The following DGKB variants were observed in gnomAD, a reference collection of about 807,000 sequenced individuals.
DGKB encodes 90 kDa diacylglycerol kinase.
Under a neutral mutation model 114.3 loss-of-function variants are expected in DGKB, and 67 were observed. The observed-to-expected ratio is 0.59, with a 90% CI of 0.48 to 0.72. The LOEUF is 0.72. Ranked by LOEUF, DGKB falls within the 30% of genes least tolerant of loss-of-function variation. The pLI, the probability that DGKB is intolerant of heterozygous loss-of-function variation, is 0.00. For missense variants in DGKB, 907 were observed against 975.2 expected, an observed-to-expected ratio of 0.93 and a Z score of 0.93; for synonymous variants, 398 against 323.1, an observed-to-expected ratio of 1.23 and a Z score of -2.49.
chr7:14,686,819 T>C (rs972231637), intron 9 of DGKB, among the ~76,000 whole-genome samples: 23 of 152,108 alleles, frequency 1.5e-4, no homozygotes, highest in Non-Finnish European at 2.9e-5. Context: ...TCTTCATGTT[T>C]TGCAAACAGA....
At chr7:14,154,760 C>G (rs1265572041) in intron 25 of DGKB, among the ~76,000 whole-genome samples, 1 of 149,716 alleles carries the variant, frequency 6.7e-6, no homozygotes, top group African/African-American at 2.4e-5. Context: ...GTCCAAGAAT[C>G]AAAGTGGTAG....
intron 14 of DGKB, among the ~76,000 whole-genome samples, chr7:14,622,501 T>C (rs1017970155): frequency 6.6e-6 from 1 of 152,172 alleles, no homozygotes; most frequent in African/African-American, 2.4e-5. Context: ...AGATGCTGTT[T>C]CTGTATGTCC....
At chr7:14,439,249 A>G (rs1429049193) in intron 21 of DGKB, among the ~76,000 whole-genome samples, 1 of 152,168 alleles carries the variant, frequency 6.6e-6, no homozygotes, top group African/African-American at 2.4e-5. Flanking sequence ...TCAGTAGAGA[A>G]GAAAATGTAT....
intron 20 of DGKB, among the ~76,000 whole-genome samples, chr7:14,517,435 A>G (rs1789005330): frequency 6.6e-6 from 1 of 152,020 alleles, no homozygotes; most frequent in Non-Finnish European, 1.5e-5. Flanking sequence ...AGCAATTGCA[A>G]AAAGAAAAAA....
chr7:14,653,588 T>A (rs1228155116), intron 13 of DGKB, among the ~76,000 whole-genome samples: 2 of 151,906 alleles, frequency 1.3e-5, no homozygotes, highest in African/African-American at 2.4e-5. Context: ...CGCACCAGCA[T>A]GGCACATGTA....
At chr7:14,686,913 G>A (rs1262907082) in intron 9 of DGKB, among the ~76,000 whole-genome samples, 3 of 151,788 alleles carry the variant, frequency 2.0e-5, no homozygotes, top group African/African-American at 7.3e-5. Context: ...AAACAGCCTA[G>A]CCTTGGACAA....
At chr7:14,313,164 A>T (rs1464854300) in intron 23 of DGKB, among the ~76,000 whole-genome samples, 1 of 152,230 alleles carries the variant, frequency 6.6e-6, no homozygotes, top group Non-Finnish European at 1.5e-5. Context: ...ATCCAAAAGT[A>T]TTTGAACAGA....
intron 23 of DGKB, among the ~76,000 whole-genome samples, chr7:14,232,663 A>G (rs1792093729): frequency 6.6e-6 from 1 of 152,076 alleles, no homozygotes; most frequent in South Asian, 2.1e-4. Context: ...AGAAAGCAAA[A>G]AAACTAACTT....
intron 23 of DGKB, among the ~76,000 whole-genome samples, chr7:14,307,858 T>C (rs150779634): frequency 6.6e-6 from 1 of 152,256 alleles, no homozygotes; most frequent in African/African-American, 2.4e-5. Flanking sequence ...ATTCCCACAT[T>C]GACTCCCTTA....
At chr7:14,698,603 A>G (rs1487295040) in intron 7 of DGKB, among the ~76,000 whole-genome samples, 1 of 152,140 alleles carries the variant, frequency 6.6e-6, no homozygotes, top group Non-Finnish European at 1.5e-5. Context: ...GAGAATATAC[A>G]TTGACTGTTT....
intron 1 of DGKB, among the ~76,000 whole-genome samples, chr7:14,939,803 C>A (rs1041444216): frequency 7.9e-5 from 12 of 151,672 alleles, no homozygotes; most frequent in African/African-American, 2.9e-4. Flanking sequence ...TTAGTAGAGA[C>A]AGGATTTCAC....
At chr7:14,841,149 A>G (rs1847877679) in intron 2 of DGKB, 45 bp downstream of exon 2, 1 of 1,485,434 alleles carries the variant, frequency 6.7e-7, no homozygotes, top group South Asian at 1.2e-5. Context: ...TACTTTGTCT[A>G]GCACAAATGT....
intron 1 of DGKB, among the ~76,000 whole-genome samples, chr7:14,940,003 C>A (rs1785484516): frequency 6.6e-6 from 1 of 152,090 alleles, no homozygotes. Flanking sequence ...GATGTAAAAA[C>A]ACTGTGTGGT....
At chr7:14,382,146 C>A (rs538426549) in intron 21 of DGKB, among the ~76,000 whole-genome samples, 1 of 152,268 alleles carries the variant, frequency 6.6e-6, no homozygotes, top group African/African-American at 2.4e-5. Context: ...TGGATAGTCC[C>A]GCCAAGAAGG....
At chr7:14,857,527 G>T (rs1850360055) in intron 1 of DGKB, among the ~76,000 whole-genome samples, 1 of 152,110 alleles carries the variant, frequency 6.6e-6, no homozygotes, top group Non-Finnish European at 1.5e-5. Flanking sequence ...TGCAAAATTT[G>T]TGGTAATTTG....
At chr7:14,537,132 T>C (rs1030966323) in intron 20 of DGKB, among the ~76,000 whole-genome samples, 2 of 152,044 alleles carry the variant, frequency 1.3e-5, no homozygotes, top group African/African-American at 4.8e-5. Context: ...GACTAGTAAG[T>C]TGAAAAATTT....
In DGKB at chr7:14,854,848, G is replaced by T. The variant is rs1165934768; in HGVS notation, c.-187-13398C>A. Among the ~76,000 whole-genome samples, 4 of 152,060 alleles carry T rather than the reference G, an allele frequency of 2.6e-5. No individual in the cohort carries two copies. In the East Asian group the frequency reaches 7.7e-4, roughly 29 times the overall value. ...AATAACTGATTGATTAATAAAATTG[G>T]TCTACTCTGTGTTACGTGGCCTATA... is the stretch of plus-strand genomic sequence containing the variant. On this transcript the variant is annotated intron_variant, in intron 1 of 25. Transcript: ENST00000402815.
chr7:14,704,447 C>CAAAAAAAAAAAAAAA (rs774905779), intron 6 of DGKB, among the ~76,000 whole-genome samples: 1 of 53,460 alleles, frequency 1.9e-5, no homozygotes, highest in Non-Finnish European at 4.3e-5. Flanking sequence ...GACTCCATCT[C>CAAAAAAAAAAAAAAA]AAAAAAAAAA....
At chr7:14,586,855 C>CA (rs398066647) in intron 17 of DGKB, among the ~76,000 whole-genome samples, 72,300 of 144,502 alleles carry the variant, frequency 0.5, 17,512 homozygotes, top group Middle Eastern at 0.53. Context: ...ACATATTTCT[C>CA]AAAAAAAAAA....
Sources: allele counts gnomAD v4.1 joint callset (sites outside exome capture counted in the v4.1 genomes callset), GRCh38; gene constraint gnomAD v4.1.1; transcripts MANE v1.5; gene names NCBI Gene and HGNC (gene_info 2026-07-23, HGNC 2026-07-21).